EIF4G1: variants seen among roughly 807,000 people sequenced by gnomAD.
EIF4G1 encodes EIF4-gamma.
EIF4G1 carries 4 observed loss-of-function variants against 187.8 expected under a neutral mutation model. The ratio of observed to expected loss-of-function variants is 0.02; its 90% CI spans 0.01 to 0.05. The LOEUF is 0.05. Ranked by LOEUF, EIF4G1 falls within the 10% of genes least tolerant of loss-of-function variation. The pLI, the probability that EIF4G1 is intolerant of heterozygous loss-of-function variation, is 1.00. For missense variants in EIF4G1, 1,647 were observed against 2,081.1 expected (o/e 0.79, Z 4.06); for synonymous variants, 844 against 781.4 (o/e 1.08, Z -1.34).
At position 184,315,738 on chromosome 3, in the gene EIF4G1, C is replaced by T. The variant is rs2108455992; in HGVS notation, c.-34-25C>T. On this transcript the variant is annotated intron_variant, in intron 2 of 32. Transcript: ENST00000346169. The stretch of plus-strand genomic sequence containing the variant: ...CCTTAAGCTTGGGTCCCTTCCTCTT[C>T]CTGAGCGCCACTCTTTCCCAACAGG... The T allele has an allele frequency of 2.6e-6, 4 of 1,534,346 alleles. No individual in the cohort carries two copies. In the South Asian group the frequency reaches 3.6e-5, roughly 14 times the overall value.
Position 184,322,608 on chromosome 3 carries a change from C to T in EIF4G1, c.1673C>T (p.Ser558Phe), listed in dbSNP as rs1241165074. 2.8e-5 allele frequency: 45 copies of T among 1,614,074 alleles called. No homozygotes were observed. The highest frequency in any genetic ancestry group is 1.6e-4 in the Middle Eastern group (1 of 6,084). ...PPAGSNPGPE[S>F]EGSGVPPRPE... Reference sequence around the variant, plus strand: ...GCAGGCAGCAATCCAGGCCCAGAGTCTGAGGGCAGTGGTGTGCCCCCACGT... The same window carrying T: ...GCAGGCAGCAATCCAGGCCCAGAGTTTGAGGGCAGTGGTGTGCCCCCACGT... The change falls in exon 12 of 33, where the codon TCT (serine) becomes TTT (phenylalanine). Residue 558 changes from serine (S) to phenylalanine (F), a missense_variant. This residue lies in a region of EIF4G1 where 522 missense variants were observed against 485.2 expected (regional missense o/e 1.08). Coordinates refer to ENST00000346169, the MANE Select transcript of EIF4G1 (RefSeq NM_198241.3).
intron 26 of EIF4G1, 179 bp from the exon 27 acceptor site, chr3:184,328,452 G>A (rs751134101): frequency 6.4e-5 from 56 of 879,994 alleles, no homozygotes; most frequent in Non-Finnish European, 1.0e-4. Flanking sequence ...ACTTTAGGGG[G>A]TTAAGCGGGG....
At chr3:184,329,136 G>A (rs1001974107) in intron 28 of EIF4G1, 146 bp downstream of exon 28, 16 of 953,352 alleles carry the variant, frequency 1.7e-5, no homozygotes, top group South Asian at 9.9e-5. Flanking sequence ...AAATACTGAG[G>A]TGGGCCATCT....
Position 184,321,255 on chromosome 3 carries a change from T to A in EIF4G1, c.698-27T>A, listed in dbSNP as rs1181927436. The A allele has an allele frequency of 1.9e-6, 3 of 1,613,980 alleles. No individual in the cohort carries two copies. The African/African-American group carries it at 4.0e-5, about 22-fold the overall frequency. On this transcript the variant is annotated intron_variant, in intron 9 of 32. Transcript: ENST00000346169. ...CAGCAGTTAAGCACTTGCCTTTAGTTGCTCATTCTTCCTTCCTATGGTGCA... is the reference window on the plus strand; with the variant it reads ...CAGCAGTTAAGCACTTGCCTTTAGTAGCTCATTCTTCCTTCCTATGGTGCA...
chr3:184,327,576 C>T lies in EIF4G1; in HGVS notation c.3662-10C>T, dbSNP rs557924824. The T allele has an allele frequency of 9.9e-6, 16 of 1,614,034 alleles. 2 individuals carry two copies. Among genetic ancestry groups the T allele is most frequent in the Middle Eastern group, 3.3e-4 (2 of 6,062 alleles). On this transcript the variant is annotated splice_polypyrimidine_tract_variant and intron_variant, in intron 24 of 32. Coordinates refer to ENST00000346169, the MANE Select transcript of EIF4G1 (RefSeq NM_198241.3). ...GAAAAGTCCCTCTAATCTGTGTTCT[C>T]TTCCCACAGTGAAGCGAGAAGCTGC...
At chr3:184,322,996 G>T (rs1225527941) in intron 13 of EIF4G1, 42 bp downstream of exon 13, 2 of 1,614,064 alleles carry the variant, frequency 1.2e-6, no homozygotes, top group African/African-American at 2.7e-5. Context: ...AGTTTGTGCT[G>T]GATGGATTGG....
Position 184,334,985 on chromosome 3 carries a change from G to GGCA in EIF4G1, c.*83_*85dup, listed in dbSNP as rs1577275715. 2 of 1,583,420 alleles carry GGCA rather than the reference G, an allele frequency of 1.3e-6. No homozygotes were observed. Among genetic ancestry groups the GGCA allele is most frequent in the East Asian group, 2.3e-5 (1 of 44,102 alleles). ...CTAGCCGCCTGGACTGCAGGGGGGCGGCAGCAGCGGCGGTGGCAGTGGGTG... is the reference window on the plus strand; with the variant it reads ...CTAGCCGCCTGGACTGCAGGGGGGCGGCAGCAGCAGCGGCGGTGGCAGTGGGTG... On this transcript the variant is annotated 3_prime_UTR_variant, in exon 33 of 33. Coordinates refer to ENST00000346169, the MANE Select transcript of EIF4G1 (RefSeq NM_198241.3). The surrounding 1 kb of genome is among the most constrained non-coding windows in gnomAD (Gnocchi z 5.8).
In EIF4G1 at chr3:184,328,402, A is replaced by G. The variant is rs151100409; in HGVS notation, c.3954-229A>G. 403 of 660,834 alleles carry G rather than the reference A, an allele frequency of 6.1e-4. 2 individuals are homozygous for G. In the African/African-American group the frequency reaches 6.4e-3, roughly 11 times the overall value. The allele number at this position is 660,834 out of a possible 1,614,324, so 40.9% of individuals were successfully genotyped here. A position where few individuals can be genotyped will look rare whatever the true frequency, so the allele number is the denominator to read the frequency against. On this transcript the variant is annotated intron_variant, in intron 26 of 32. Transcript: ENST00000346169. Reference sequence around the variant, plus strand: ...GCAAAACTGTCTCAAAAAAAAAACCAAAAAACAGTATGGGTTCCTTGACCA... The same window carrying G: ...GCAAAACTGTCTCAAAAAAAAAACCGAAAAACAGTATGGGTTCCTTGACCA...
At position 184,325,381 on chromosome 3, in the gene EIF4G1, T is replaced by C; in HGVS notation, c.2961+8T>C. On this transcript the variant is annotated splice_region_variant and intron_variant, in intron 19 of 32. Coordinates refer to ENST00000346169, the MANE Select transcript of EIF4G1 (RefSeq NM_198241.3). This position sits in a 1 kb window ranked among gnomAD's most constrained non-coding sequence, Gnocchi z 5.2. ...GTGCTGGATCTGCGAGGGGTGTGTG[T>C]CCCCCTCCTCCCCACTGCCAGCCTG... is the stretch of plus-strand genomic sequence containing the variant. The C allele has an allele frequency of 3.1e-6, 5 of 1,613,978 alleles. No homozygotes were observed. Among genetic ancestry groups the C allele is most frequent in the Non-Finnish European group, 4.2e-6 (5 of 1,179,886 alleles).
Position 184,334,678 on chromosome 3 carries a change from G to A in EIF4G1, c.4619-49G>A. ...TTGGGAGGGTTCCCTGGGGTGGGCT[G>A]GGGTGGCGGTGGCCAGTCACCTCTA... On this transcript the variant is annotated intron_variant, in intron 32 of 32. Transcript: ENST00000346169. The surrounding 1 kb of genome is among the most constrained non-coding windows in gnomAD (Gnocchi z 5.8). 1 of 1,612,134 alleles carries A rather than the reference G, an allele frequency of 6.2e-7. No individual in the cohort carries two copies. The highest frequency in any genetic ancestry group is 8.5e-7 in the Non-Finnish European group (1 of 1,178,558).
chr3:184,327,659 A>G lies in EIF4G1; in HGVS notation c.3735A>G (p.Lys1245=), dbSNP rs369296304. 2 of 1,614,218 alleles carry G rather than the reference A, an allele frequency of 1.2e-6. No homozygotes were observed. Among genetic ancestry groups the G allele is most frequent in the Middle Eastern group, 1.6e-4 (1 of 6,062 alleles). The change falls in exon 25 of 33, where the codon AAA becomes AAG. Residue 1245 remains lysine (K), a synonymous_variant. Transcript: ENST00000346169. ...AALSEEELEK[K]SKAIIEEYLH... ...TCTCTGAGGAGGAGTTAGAGAAGAA[A>G]TCCAAGGCTATCATTGAGGAATATC...
chr3:184,330,106 T>A (rs548572389), intron 28 of EIF4G1, among the ~76,000 whole-genome samples: 3 of 152,146 alleles, frequency 2.0e-5, no homozygotes, highest in African/African-American at 7.2e-5. Flanking sequence ...AAGAAAAGAC[T>A]GGGCCGGGCG....
intron 7 of EIF4G1, 133 bp downstream of exon 7, chr3:184,319,934 T>C (rs1723570446): frequency 1.4e-6 from 1 of 729,496 alleles, no homozygotes; most frequent in African/African-American, 1.7e-5. Flanking sequence ...ATGGTGTCTG[T>C]GGAGGGCTCA....
chr3:184,322,895 T>C lies in EIF4G1; in HGVS notation c.1870T>C (p.Phe624Leu). ...GTTCCTGCTTGGTTTTCAGTTCATC[T>C]TTGCCAGTATGCAGAAGCCAGAGGG... ...REFLLGFQFI[F>L]ASMQKPEGLP... Residue 624 changes from phenylalanine (F) to leucine (L), a missense_variant, in exon 13 of 33, where the codon TTT (phenylalanine) becomes CTT (leucine). Transcript: ENST00000346169. 1 of 1,614,118 alleles carries C rather than the reference T, an allele frequency of 6.2e-7. No homozygotes were observed. The highest frequency in any genetic ancestry group is 1.1e-5 in the South Asian group (1 of 91,076).
chr3:184,323,442 C>T lies in EIF4G1; in HGVS notation c.2123C>T (p.Pro708Leu). ...GLGPRRSQQG[P>L]RKEPRKIIAT... is the part of the protein sequence containing the mutation. ...GGACCCCGGCGCTCTCAGCAGGGACCCCGAAAAGAACCACGCAAGATCATT... is the reference window on the plus strand; with the variant it reads ...GGACCCCGGCGCTCTCAGCAGGGACTCCGAAAAGAACCACGCAAGATCATT... The change falls in exon 15 of 33, where the codon CCC becomes CTC. Residue 708 changes from proline to leucine, a missense_variant. This residue lies in a region of EIF4G1 where 140 missense variants were observed against 222.2 expected (regional missense o/e 0.63). Coordinates refer to ENST00000346169, the MANE Select transcript of EIF4G1 (RefSeq NM_198241.3). The surrounding 1 kb of genome is among the most constrained non-coding windows in gnomAD (Gnocchi z 6.9). The T allele has an allele frequency of 1.2e-6, 2 of 1,614,208 alleles. No homozygotes were observed. Among genetic ancestry groups the T allele is most frequent in the Non-Finnish European group, 1.7e-6 (2 of 1,180,040 alleles).
intron 28 of EIF4G1, among the ~76,000 whole-genome samples, chr3:184,330,454 CTG>C (rs1384152507): frequency 2.0e-5 from 3 of 152,086 alleles, no homozygotes; most frequent in Non-Finnish European, 4.4e-5. Flanking sequence ...GTTTTAAAAT[CTG>C]TGAACTGCAA....
chr3:184,329,852 AC>A (rs2108513337), intron 28 of EIF4G1, among the ~76,000 whole-genome samples: 1 of 152,318 alleles, frequency 6.6e-6, no homozygotes, highest in East Asian at 1.9e-4. Context: ...TGAATGTGGT[AC>A]TTAGTGGAAG....
chr3:184,329,171 G>C (rs1027007455), intron 28 of EIF4G1, 181 bp downstream of exon 28: 1 of 700,294 alleles, frequency 1.4e-6, no homozygotes. Context: ...CCTATCATGA[G>C]TTCTGGCCAA....
In EIF4G1 at chr3:184,323,005, G is replaced by C; in HGVS notation, c.1929+51G>C. 1 of 1,614,172 alleles carries C rather than the reference G, an allele frequency of 6.2e-7. No homozygotes were observed. Among genetic ancestry groups the C allele is most frequent in the South Asian group, 1.1e-5 (1 of 91,078 alleles). Reference sequence around the variant, plus strand: ...ACGATAAGTTTGTGCTGGATGGATTGGGGAGGAGCCTGAGGTCCTGAAAGA... The same window carrying C: ...ACGATAAGTTTGTGCTGGATGGATTCGGGAGGAGCCTGAGGTCCTGAAAGA... On this transcript the variant is annotated intron_variant, in intron 13 of 32. Coordinates refer to ENST00000346169, the MANE Select transcript of EIF4G1 (RefSeq NM_198241.3). This position sits in a 1 kb window ranked among gnomAD's most constrained non-coding sequence, Gnocchi z 6.9.
Sources: gnomAD v4.1 joint callset for allele counts (sites outside exome capture counted in the v4.1 genomes callset) on GRCh38, gnomAD v4.1.1 for gene constraint, gnomAD v4.1.1 regional missense constraint, Gnocchi (gnomAD v3.1) non-coding constraint, MANE v1.5 for transcripts, NCBI Gene and HGNC (gene_info 2026-07-23, HGNC 2026-07-21) for gene names.